The following TMEM132C variants were observed in gnomAD, a reference collection of about 807,000 sequenced individuals.
TMEM132C encodes protein phosphatase 1, regulatory subunit 152.
A neutral mutation model predicts 61.4 loss-of-function variants in TMEM132C; 29 were observed. The observed-to-expected ratio is 0.47, with a 90% CI of 0.35 to 0.64. The LOEUF is 0.64. Ranked by LOEUF, TMEM132C falls within the 30% of genes least tolerant of loss-of-function variation. The probability of loss-of-function intolerance (pLI) is 0.00; values close to 1 mark genes in which losing one functional copy is unlikely to be tolerated. For missense variants in TMEM132C, 1,408 were observed against 1,476.9 expected (o/e 0.95, Z 0.76); for synonymous variants, 656 against 633.1 (o/e 1.04, Z -0.54).
At chr12:128,544,337 G>T (rs1260718016) in intron 3 of TMEM132C, among the ~76,000 whole-genome samples, 2 of 152,272 alleles carry the variant, frequency 1.3e-5, no homozygotes, top group Non-Finnish European at 2.9e-5. Context: ...AGCCGGGTGA[G>T]CTCATCTCTG....
intron 2 of TMEM132C, among the ~76,000 whole-genome samples, chr12:128,535,118 G>A (rs186030826): frequency 4.7e-4 from 72 of 152,286 alleles, no homozygotes; most frequent in African/African-American, 1.6e-3. Context: ...TTTGATCTTC[G>A]TCCCTCAAGC....
At chr12:128,314,080 T>A (rs1872067636) in intron 1 of TMEM132C, among the ~76,000 whole-genome samples, 1 of 152,168 alleles carries the variant, frequency 6.6e-6, no homozygotes, top group African/African-American at 2.4e-5. Flanking sequence ...ACACTTGAAT[T>A]TGGAATCTCT....
intron 1 of TMEM132C, among the ~76,000 whole-genome samples, chr12:128,386,465 C>T (rs1565920278): frequency 6.6e-6 from 1 of 152,212 alleles, no homozygotes; most frequent in Non-Finnish European, 1.5e-5. Context: ...TCCCCAAATC[C>T]TCATCCCTCC....
intron 1 of TMEM132C, among the ~76,000 whole-genome samples, chr12:128,410,748 A>G (rs1369985321): frequency 6.6e-6 from 1 of 152,176 alleles, no homozygotes; most frequent in African/African-American, 2.4e-5. Flanking sequence ...TTATATAAGT[A>G]TAGTACAATT....
intron 1 of TMEM132C, among the ~76,000 whole-genome samples, chr12:128,367,271 G>A (rs763533278): frequency 2.0e-4 from 30 of 152,318 alleles, no homozygotes; most frequent in Middle Eastern, 3.4e-3. Flanking sequence ...TCCAGAACAC[G>A]TCCAGAGATG....
chr12:128,434,737 G>A (rs1451571237), intron 2 of TMEM132C, among the ~76,000 whole-genome samples: 1 of 152,056 alleles, frequency 6.6e-6, no homozygotes, highest in Non-Finnish European at 1.5e-5. Context: ...CAAGTAGCTG[G>A]GACTACAGGC....
chr12:128,695,254 T>A (rs1954750685), intron 6 of TMEM132C, among the ~76,000 whole-genome samples: 1 of 152,192 alleles, frequency 6.6e-6, no homozygotes, highest in Non-Finnish European at 1.5e-5. Context: ...GTGTGGTAGT[T>A]CAGGACTGTA....
chr12:128,293,944 A>G (rs910690951), intron 1 of TMEM132C: 1 of 154,388 alleles, frequency 6.5e-6, no homozygotes, highest in Non-Finnish European at 1.5e-5. Context: ...AATTTTCATA[A>G]TTAATGACCT....
chr12:128,551,615 G>A (rs142243831), intron 3 of TMEM132C, among the ~76,000 whole-genome samples: 5 of 152,328 alleles, frequency 3.3e-5, no homozygotes, highest in East Asian at 1.9e-4. Flanking sequence ...AGAGAGGATC[G>A]AGCATGAAGC....
intron 4 of TMEM132C, among the ~76,000 whole-genome samples, chr12:128,621,385 A>T (rs959982226): frequency 1.4e-4 from 21 of 152,158 alleles, no homozygotes; most frequent in Non-Finnish European, 2.9e-4. Context: ...ACACAAGGAG[A>T]CAGAGATTTG....
chr12:128,528,971 A>G (rs900627314), intron 2 of TMEM132C, among the ~76,000 whole-genome samples: 1 of 152,166 alleles, frequency 6.6e-6, no homozygotes, highest in African/African-American at 2.4e-5. Flanking sequence ...CTAAAAATTC[A>G]CTTTGCCTTT....
intron 3 of TMEM132C, among the ~76,000 whole-genome samples, chr12:128,572,908 T>A (rs962030036): frequency 1.3e-5 from 2 of 152,224 alleles, no homozygotes; most frequent in Non-Finnish European, 2.9e-5. Flanking sequence ...TGAGATACCA[T>A]CTCACACCAG....
intron 5 of TMEM132C, among the ~76,000 whole-genome samples, chr12:128,682,250 A>G (rs1358852790): frequency 6.6e-6 from 1 of 152,058 alleles, no homozygotes; most frequent in African/African-American, 2.4e-5. Context: ...CTGTGGCCAC[A>G]GGGAGCTCCA....
rs1359513648 is a variant in TMEM132C at position 128,707,614 on chromosome 12, C to G, written c.*1319C>G. The stretch of plus-strand genomic sequence containing the variant: ...ACCACGCCAGTGAAATAAGCCCCTT[C>G]GTGATCACCTGACTCCAGTTCTCCG... On this transcript the variant is annotated 3_prime_UTR_variant, in exon 9 of 9. Transcript: ENST00000435159. The G allele has an allele frequency of 6.6e-6, 1 of 152,238 alleles. No individual in the cohort carries two copies. The highest frequency in any genetic ancestry group is 6.5e-5 in the Admixed American group (1 of 15,288). 9.4% of individuals were successfully genotyped at this position (152,238 alleles called of 1,614,324 possible).
At chr12:128,595,240 A>G (rs1399481595) in intron 3 of TMEM132C, among the ~76,000 whole-genome samples, 2 of 152,202 alleles carry the variant, frequency 1.3e-5, no homozygotes, top group Non-Finnish European at 2.9e-5. Context: ...CCTGCATTTC[A>G]AGCCAGACCA....
chr12:128,466,108 G>A (rs1649137408), intron 2 of TMEM132C, among the ~76,000 whole-genome samples: 1 of 152,206 alleles, frequency 6.6e-6, no homozygotes, highest in African/African-American at 2.4e-5. Flanking sequence ...TGGGGAGGTG[G>A]AAGTCAAAGT....
intron 2 of TMEM132C, among the ~76,000 whole-genome samples, chr12:128,479,051 C>T (rs1871242699): frequency 6.6e-6 from 1 of 152,192 alleles, no homozygotes; most frequent in Non-Finnish European, 1.5e-5. Flanking sequence ...AGAACAACAT[C>T]ATGTCCTTTG....
intron 1 of TMEM132C, among the ~76,000 whole-genome samples, chr12:128,334,801 T>A (rs1872753531): frequency 6.6e-6 from 1 of 152,164 alleles, no homozygotes; most frequent in South Asian, 2.1e-4. Flanking sequence ...TTTCACTGTG[T>A]TAGCCAGGAG....
intron 5 of TMEM132C, among the ~76,000 whole-genome samples, chr12:128,671,333 C>A (rs942038877): frequency 6.6e-6 from 1 of 152,154 alleles, no homozygotes; most frequent in Admixed American, 6.5e-5. Flanking sequence ...TGTTTCCCAT[C>A]ATTAGTCATG....
Sources: gnomAD v4.1 joint callset for allele counts (sites outside exome capture counted in the v4.1 genomes callset) on GRCh38, gnomAD v4.1.1 for gene constraint, MANE v1.5 for transcripts, NCBI Gene and HGNC (gene_info 2026-07-23, HGNC 2026-07-21) for gene names.